The following PTPRD variants were observed in gnomAD, a reference collection of about 807,000 sequenced individuals.
PTPRD encodes the protein receptor-type tyrosine-protein phosphatase delta.
PTPRD carries 34 observed loss-of-function variants against 214.5 expected under a neutral mutation model. That is an observed-to-expected ratio of 0.16 (90% CI 0.12 to 0.21). The LOEUF is 0.21. PTPRD is among the 10% of genes least tolerant of loss of function. The probability of loss-of-function intolerance (pLI) is 1.00; values close to 1 mark genes in which losing one functional copy is unlikely to be tolerated. For synonymous variants in PTPRD, 1,128 were observed against 845.7 expected, an observed-to-expected ratio of 1.33 and a Z score of -5.79; for missense variants, 2,545 against 2,398.7, an observed-to-expected ratio of 1.06 and a Z score of -1.27.
intron 12 of PTPRD, among the ~76,000 whole-genome samples, chr9:8,680,598 T>C (rs771457931): frequency 1.3e-4 from 20 of 152,254 alleles, no homozygotes; most frequent in Middle Eastern, 3.4e-3. Flanking sequence ...TGTACGTACA[T>C]CTATATACTA....
At chr9:9,187,833 G>A (rs2099932607) in intron 9 of PTPRD, among the ~76,000 whole-genome samples, 1 of 151,682 alleles carries the variant, frequency 6.6e-6, no homozygotes, top group African/African-American at 2.4e-5. Flanking sequence ...GTATGTATGT[G>A]TGTTTCCATG....
chr9:10,466,992 G>A lies in PTPRD; in HGVS notation c.-599-125975C>T, dbSNP rs2098999071. 3.3e-5 allele frequency among the ~76,000 whole-genome samples: 5 copies of A among 152,192 alleles called. No homozygotes were observed. The South Asian group carries it at 1.0e-3, about 31-fold the overall frequency. On this transcript the variant is annotated intron_variant, in intron 2 of 45. Transcript: ENST00000381196. ...GAAACTATGATAGCAAATACTATGA[G>A]CATATTAGAGTTCCCCGGGAACCAC...
intron 9 of PTPRD, among the ~76,000 whole-genome samples, chr9:9,231,831 G>C (rs62529549): frequency 6.6e-6 from 1 of 151,594 alleles, no homozygotes; most frequent in African/African-American, 2.4e-5. Flanking sequence ...TGCTGCACCC[G>C]TCAACTCATC....
At chr9:10,075,355 G>T (rs1235497975) in intron 3 of PTPRD, among the ~76,000 whole-genome samples, 3 of 151,916 alleles carry the variant, frequency 2.0e-5, no homozygotes, top group African/African-American at 7.2e-5. Flanking sequence ...TGAAAAAACA[G>T]ATTCAAAACA....
chr9:9,791,547 A>G (rs969133811), intron 5 of PTPRD, among the ~76,000 whole-genome samples: 3 of 152,134 alleles, frequency 2.0e-5, no homozygotes, highest in Admixed American at 1.3e-4. Context: ...AAGTTTCTCT[A>G]TCAAGCTTAT....
chr9:9,817,940 G>A (rs2049316784), intron 5 of PTPRD, among the ~76,000 whole-genome samples: 1 of 152,152 alleles, frequency 6.6e-6, no homozygotes, highest in African/African-American at 2.4e-5. Context: ...CTCCTATGAG[G>A]CATTTTAGGT....
chr9:9,625,157 C>T (rs1158099523), intron 7 of PTPRD, among the ~76,000 whole-genome samples: 1 of 152,134 alleles, frequency 6.6e-6, no homozygotes, highest in Admixed American at 6.5e-5. Context: ...CAGTCCTTAT[C>T]CAGGATTGTT....
chr9:8,392,448 T>G (rs2089922924), intron 36 of PTPRD, among the ~76,000 whole-genome samples: 1 of 151,884 alleles, frequency 6.6e-6, no homozygotes, highest in Non-Finnish European at 1.5e-5. Context: ...ATCATTTGAG[T>G]CCAGGAAGTC....
At position 10,326,023 on chromosome 9, in the gene PTPRD, C is replaced by G. The variant is rs532200368; in HGVS notation, c.-545+14940G>C. 4.6e-5 allele frequency among the ~76,000 whole-genome samples: 7 copies of G among 151,710 alleles called. No homozygotes were observed. The South Asian group carries it at 1.5e-3, about 31-fold the overall frequency. Reference sequence around the variant, plus strand: ...CAAGTATCTAAAAAGATATGTTTGTCCAAACCGAGATTTTGATCCACTGAT... The same window carrying G: ...CAAGTATCTAAAAAGATATGTTTGTGCAAACCGAGATTTTGATCCACTGAT... On this transcript the variant is annotated intron_variant, in intron 3 of 45. Transcript: ENST00000381196.
chr9:9,685,367 C>T (rs771243776), intron 7 of PTPRD, among the ~76,000 whole-genome samples: 9 of 151,040 alleles, frequency 6.0e-5, no homozygotes, highest in Non-Finnish European at 1.0e-4. Flanking sequence ...TTATTAAAAA[C>T]AAGAGTAGGC....
intron 7 of PTPRD, among the ~76,000 whole-genome samples, chr9:9,610,058 C>T (rs1220554113): frequency 1.3e-5 from 2 of 152,034 alleles, no homozygotes; most frequent in African/African-American, 4.8e-5. Flanking sequence ...GTCTGGATTC[C>T]GTAGACATTT....
At chr9:10,235,907 G>A (rs2099627366) in intron 3 of PTPRD, among the ~76,000 whole-genome samples, 1 of 151,926 alleles carries the variant, frequency 6.6e-6, no homozygotes, top group South Asian at 2.1e-4. Context: ...TTTGGGGTGT[G>A]AATTATTTTA....
At chr9:9,288,738 A>G (rs1950263356) in intron 9 of PTPRD, among the ~76,000 whole-genome samples, 1 of 151,876 alleles carries the variant, frequency 6.6e-6, no homozygotes, top group African/African-American at 2.4e-5. Context: ...TCTCACCTTG[A>G]ATTGTAGTTC....
intron 3 of PTPRD, among the ~76,000 whole-genome samples, chr9:10,110,319 T>C (rs1385759910): frequency 6.6e-6 from 1 of 152,182 alleles, no homozygotes; most frequent in Non-Finnish European, 1.5e-5. Flanking sequence ...ATTATTGCTG[T>C]CATTCTGTAG....
intron 9 of PTPRD, among the ~76,000 whole-genome samples, chr9:9,309,846 T>G (rs1958354317): frequency 6.6e-6 from 1 of 152,214 alleles, no homozygotes; most frequent in African/African-American, 2.4e-5. Flanking sequence ...CTTGGAATAG[T>G]GGCTCTATTC....
At chr9:9,780,654 G>C (rs979498871) in intron 5 of PTPRD, among the ~76,000 whole-genome samples, 1 of 152,138 alleles carries the variant, frequency 6.6e-6, no homozygotes, top group African/African-American at 2.4e-5. Flanking sequence ...AAAGCTAAAT[G>C]ATATGATTTA....
At chr9:9,437,413 T>G (rs536231940) in intron 8 of PTPRD, among the ~76,000 whole-genome samples, 1 of 147,116 alleles carries the variant, frequency 6.8e-6, no homozygotes, top group African/African-American at 2.5e-5. Context: ...GTAATCACAA[T>G]GATGCCCCCT....
At chr9:10,162,709 G>A (rs1421618236) in intron 3 of PTPRD, among the ~76,000 whole-genome samples, 11 of 142,290 alleles carry the variant, frequency 7.7e-5, no homozygotes, top group Admixed American at 2.1e-4. Flanking sequence ...ACATATACAC[G>A]TATATATATA....
intron 36 of PTPRD, among the ~76,000 whole-genome samples, chr9:8,390,895 A>T (rs1045019944): frequency 1.3e-5 from 2 of 152,222 alleles, no homozygotes; most frequent in Admixed American, 1.3e-4. Context: ...GTTGAGTTCC[A>T]AGTTTTAAAT....
Sources: gnomAD v4.1 joint callset for allele counts (sites outside exome capture counted in the v4.1 genomes callset) on GRCh38, gnomAD v4.1.1 for gene constraint, MANE v1.5 for transcripts, NCBI Gene and HGNC (gene_info 2026-07-23, HGNC 2026-07-21) for gene names.